LPCAT1: variants seen among roughly 807,000 people sequenced by gnomAD.
The protein encoded by LPCAT1 is 1-acylglycerol-3-phosphate O-acyltransferase.
In LPCAT1, 23 loss-of-function variants were observed where a neutral mutation model predicts 60.9. That is an observed-to-expected ratio of 0.38 (90% confidence interval 0.27 to 0.53). The LOEUF (loss-of-function observed/expected upper bound fraction) is 0.53. Among genes scored for constraint, LPCAT1 ranks in the 20% least tolerant of loss-of-function variants. The pLI is 0.82. For synonymous variants in LPCAT1, 340 were observed against 301.1 expected, an observed-to-expected ratio of 1.13 and a Z score of -1.34; for missense variants, 622 against 723.6, an observed-to-expected ratio of 0.86 and a Z score of 1.61.
In LPCAT1 at chr5:1,477,441, C is replaced by G; in HGVS notation, c.862G>C (p.Ala288Pro). 1 of 1,614,036 alleles carries G rather than the reference C, an allele frequency of 6.2e-7. No individual in the cohort carries two copies. The highest frequency in any genetic ancestry group is 8.5e-7 in the Non-Finnish European group (1 of 1,179,952). The change falls in exon 9 of 14, where the codon GCG becomes CCG. Residue 288 changes from alanine to proline, a missense_variant. Ala to Pro is a conservative substitution (Grantham distance 27). Around this residue, in one of 3 missense-constraint regions of LPCAT1, gnomAD observed 209 missense variants for 325.5 expected, o/e 0.64. Transcript: ENST00000283415. The surrounding 1 kb of genome is among the most constrained non-coding windows in gnomAD (Gnocchi z 6.0). The stretch of plus-strand genomic sequence containing the variant: ...CGCCGCACGTTGCTGGCATACAGCG[C>G]GGGGTTCCTCTTCTCCTCCTCAGAA... ...SPSEEEKRNPALYASNVRRVM... is the reference protein window; with the variant it reads ...SPSEEEKRNPPLYASNVRRVM...
At chr5:1,468,845 C>T (rs1298668003) in intron 12 of LPCAT1, among the ~76,000 whole-genome samples, 1 of 152,180 alleles carries the variant, frequency 6.6e-6, no homozygotes, top group Non-Finnish European at 1.5e-5. Flanking sequence ...TCTCTGTGTC[C>T]CAAGAGCAGC....
At chr5:1,490,654 C>T (rs1735542485) in intron 3 of LPCAT1, among the ~76,000 whole-genome samples, 1 of 152,226 alleles carries the variant, frequency 6.6e-6, no homozygotes, top group African/African-American at 2.4e-5. Context: ...AACCATGGCA[C>T]CCCACAGCCT....
rs1736712805 is a variant in LPCAT1 at position 1,522,756 on chromosome 5, A to G, written c.135+954T>C. Among the ~76,000 whole-genome samples the G allele has an allele frequency of 6.6e-6, 1 of 152,212 alleles. No homozygotes were observed. Among genetic ancestry groups the G allele is most frequent in the Non-Finnish European group, 1.5e-5 (1 of 68,028 alleles). ...CTCCCTACAAACCGGACAGCCCCAT[A>G]GGCCCCGAAACAGTGCTTGCTTCTA... is the stretch of plus-strand genomic sequence containing the variant. On this transcript the variant is annotated intron_variant, in intron 1 of 13. Transcript: ENST00000283415. The surrounding 1 kb of genome is among the most constrained non-coding windows in gnomAD (Gnocchi z 6.8).
intron 1 of LPCAT1, among the ~76,000 whole-genome samples, chr5:1,507,126 G>A (rs544237369): frequency 1.3e-5 from 2 of 152,178 alleles, no homozygotes; most frequent in Admixed American, 6.5e-5. Context: ...ACTCAGAGAG[G>A]AGAACACGGA....
At position 1,505,244 on chromosome 5, in the gene LPCAT1, C is replaced by T. The variant is rs367721581; in HGVS notation, c.136-3641G>A. 9.8e-3 allele frequency among the ~76,000 whole-genome samples: 1,280 copies of T among 130,804 alleles called. 21 individuals are homozygous for T. Among genetic ancestry groups the T allele is most frequent in the African/African-American group, 0.033 (1,115 of 34,142 alleles). 85.8% of individuals were successfully genotyped at this position (130,804 alleles called of 152,430 possible). On this transcript the variant is annotated intron_variant, in intron 1 of 13. Transcript: ENST00000283415. ...GACTACAACTGCTTCCACCAGAGTG[C>T]GGAATAAAATCACAGTAACCCACGC... is the stretch of plus-strand genomic sequence containing the variant.
chr5:1,464,625 C>G (rs1579745359), intron 13 of LPCAT1, among the ~76,000 whole-genome samples: 1 of 151,698 alleles, frequency 6.6e-6, no homozygotes, highest in African/African-American at 2.4e-5. Context: ...AGCACACACA[C>G]GGTAACCACA....
rs778414755 is a variant in LPCAT1 at position 1,508,177 on chromosome 5, C to A, written c.136-6574G>T. Among the ~76,000 whole-genome samples, 126 of 152,296 alleles carry A rather than the reference C, an allele frequency of 8.3e-4. 2 individuals are homozygous for A. The highest frequency in any genetic ancestry group is 2.8e-3 in the African/African-American group (116 of 41,548). On this transcript the variant is annotated intron_variant, in intron 1 of 13. Transcript: ENST00000283415. ...CTGTGGTCCTTTGTGACAGCAGCCG[C>A]GCCAAGCAGGGCGGGCACAGTGGGA...
rs1478944605 is a variant in LPCAT1, at chr5:1,483,185, C to T, written c.726+243G>A. On this transcript the variant is annotated intron_variant, in intron 6 of 13. Coordinates refer to ENST00000283415, the MANE Select transcript of LPCAT1 (RefSeq NM_024830.5). The surrounding 1 kb of genome is among the most constrained non-coding windows in gnomAD (Gnocchi z 9.2). Reference sequence around the variant, plus strand: ...GGAACACTGGGGACCACTGTGGAATCATGGGGTTGATCAGGGACACGTGCA... The same window carrying T: ...GGAACACTGGGGACCACTGTGGAATTATGGGGTTGATCAGGGACACGTGCA... Among the ~76,000 whole-genome samples, 1 of 152,166 alleles carries T rather than the reference C, an allele frequency of 6.6e-6. No individual in the cohort carries two copies.
chr5:1,511,556 G>A (rs1736358098), intron 1 of LPCAT1, among the ~76,000 whole-genome samples: 1 of 148,684 alleles, frequency 6.7e-6, no homozygotes, highest in South Asian at 2.2e-4. Flanking sequence ...ACTTGGGGAT[G>A]CACCTGCTCA....
chr5:1,463,316 A>T lies in LPCAT1; in HGVS notation c.*335T>A. ...CCCGCCCGGTGCACGCTGCCGCCGGAAGAGGCTGTGACAGAGACTCGAAAC... is the reference window on the plus strand; with the variant it reads ...CCCGCCCGGTGCACGCTGCCGCCGGTAGAGGCTGTGACAGAGACTCGAAAC... On this transcript the variant is annotated 3_prime_UTR_variant, in exon 14 of 14. Coordinates refer to ENST00000283415, the MANE Select transcript of LPCAT1 (RefSeq NM_024830.5). 3.8e-6 allele frequency: 1 copy of T among 266,290 alleles called. No homozygotes were observed. Among genetic ancestry groups the T allele is most frequent in the Non-Finnish European group, 7.1e-6 (1 of 140,024 alleles). 16.5% of individuals were successfully genotyped at this position (266,290 alleles called of 1,614,324 possible). A position where few individuals can be genotyped will look rare whatever the true frequency, so the allele number is the denominator to read the frequency against.
rs1734909892 is a variant in LPCAT1 at position 1,476,208 on chromosome 5, T to C, written c.899+1196A>G. ...CCTAAGTCCCCAAAAGTAGCCAGTA[T>C]TGGCAGCAGTCCGGAGCACAGGTGC... On this transcript the variant is annotated intron_variant, in intron 9 of 13. Transcript: ENST00000283415. The surrounding 1 kb of genome is among the most constrained non-coding windows in gnomAD (Gnocchi z 8.6). Among the ~76,000 whole-genome samples the C allele has an allele frequency of 6.6e-6, 1 of 152,186 alleles. No homozygotes were observed. Among genetic ancestry groups the C allele is most frequent in the South Asian group, 2.1e-4 (1 of 4,826 alleles).
chr5:1,467,434 C>G, intron 12 of LPCAT1: 1 of 152,672 alleles, frequency 6.5e-6, no homozygotes, highest in Non-Finnish European at 1.5e-5. Flanking sequence ...AACCAGGACC[C>G]GGGCTCTCTC....
chr5:1,509,548 C>A (rs965484004), intron 1 of LPCAT1, among the ~76,000 whole-genome samples: 4 of 152,196 alleles, frequency 2.6e-5, no homozygotes, highest in Non-Finnish European at 5.9e-5. Context: ...CATCAGCAAA[C>A]ACCACCAGCC....
At chr5:1,508,684 G>A (rs1216563683) in intron 1 of LPCAT1, among the ~76,000 whole-genome samples, 2 of 152,246 alleles carry the variant, frequency 1.3e-5, no homozygotes, top group African/African-American at 2.4e-5. Context: ...ACATATGTTT[G>A]AAATTTCCCA....
intron 12 of LPCAT1, among the ~76,000 whole-genome samples, chr5:1,468,338 T>G (rs970638736): frequency 6.6e-6 from 1 of 152,354 alleles, no homozygotes; most frequent in South Asian, 2.1e-4. Context: ...AAATCCACGT[T>G]GGTGCTGCTG....
chr5:1,470,329 T>C (rs557391719), intron 12 of LPCAT1, among the ~76,000 whole-genome samples: 114 of 152,360 alleles, frequency 7.5e-4, no homozygotes, highest in Middle Eastern at 3.4e-3. Context: ...AGCGACTCCC[T>C]GTGGTGAGGC....
At chr5:1,505,229 G>A (rs1360374434) in intron 1 of LPCAT1, among the ~76,000 whole-genome samples, 2 of 142,376 alleles carry the variant, frequency 1.4e-5, no homozygotes. Context: ...GACTACAACT[G>A]CTTCCACCAG....
chr5:1,523,915 G>T lies in LPCAT1; in HGVS notation c.-71C>A, dbSNP rs1466779340. On this transcript the variant is annotated 5_prime_UTR_variant, in exon 1 of 14. Coordinates refer to ENST00000283415, the MANE Select transcript of LPCAT1 (RefSeq NM_024830.5). The surrounding 1 kb of genome is among the most constrained non-coding windows in gnomAD (Gnocchi z 7.1). ...CGAGCGGGGCCGGGGCTAGCTGGGCGCGGGTCTCGGGGCGCGGGCCGAGGA... is the reference window on the plus strand; with the variant it reads ...CGAGCGGGGCCGGGGCTAGCTGGGCTCGGGTCTCGGGGCGCGGGCCGAGGA... 7 of 979,984 alleles carry T rather than the reference G, an allele frequency of 7.1e-6. No homozygotes were observed. In the African/African-American group the frequency reaches 1.1e-4, roughly 15 times the overall value. 60.7% of individuals were successfully genotyped at this position (979,984 alleles called of 1,614,324 possible).
In LPCAT1 at chr5:1,521,569, C is replaced by T. The variant is rs1736677945; in HGVS notation, c.135+2141G>A. ...ATGTTTCTGCAGAGAACTTTGAGAA[C>T]GTTTACAAACTAAACCCTTGAGCCA... On this transcript the variant is annotated intron_variant, in intron 1 of 13. Coordinates refer to ENST00000283415, the MANE Select transcript of LPCAT1 (RefSeq NM_024830.5). The surrounding 1 kb of genome is among the most constrained non-coding windows in gnomAD (Gnocchi z 4.3). The T allele has an allele frequency of 2.7e-6, 2 of 747,034 alleles. No homozygotes were observed. The highest frequency in any genetic ancestry group is 3.3e-6 in the Non-Finnish European group (2 of 612,572). 46.3% of individuals were successfully genotyped at this position (747,034 alleles called of 1,614,324 possible).
Sources: gnomAD v4.1 joint callset for allele counts (sites outside exome capture counted in the v4.1 genomes callset) on GRCh38, gnomAD v4.1.1 for gene constraint, gnomAD v4.1.1 regional missense constraint, Gnocchi (gnomAD v3.1) non-coding constraint, MANE v1.5 for transcripts, NCBI Gene and HGNC (gene_info 2026-07-23, HGNC 2026-07-21) for gene names.